Variants in XYLT1 observed in about 807,000 individuals in gnomAD.
The protein encoded by XYLT1 is beta-D-xylosyltransferase 1.
In XYLT1, 36 loss-of-function variants were observed where a neutral mutation model predicts 91.3. The observed-to-expected ratio is 0.39, with a 90% confidence interval of 0.30 to 0.52. The LOEUF is 0.52. Ranked by LOEUF, XYLT1 falls within the 20% of genes least tolerant of loss-of-function variation. The pLI, the probability that XYLT1 is intolerant of heterozygous loss-of-function variation, is 0.68. For missense variants in XYLT1, 1,242 were observed against 1,284.5 expected (o/e 0.97, Z 0.51); for synonymous variants, 588 against 532.0 (o/e 1.11, Z -1.45).
intron 2 of XYLT1, among the ~76,000 whole-genome samples, chr16:17,273,695 T>C (rs1354246743): frequency 6.6e-6 from 1 of 151,742 alleles, no homozygotes; most frequent in Non-Finnish European, 1.5e-5. Flanking sequence ...AATATCAAAA[T>C]TAGCCAGTTG....
chr16:17,183,662 C>T (rs985585773), intron 5 of XYLT1, among the ~76,000 whole-genome samples: 10 of 152,120 alleles, frequency 6.6e-5, no homozygotes, highest in African/African-American at 1.9e-4. Flanking sequence ...GGCCTAGAAT[C>T]CTATGCACAG....
chr16:17,421,979 G>A (rs771560274), intron 1 of XYLT1, among the ~76,000 whole-genome samples: 4 of 151,866 alleles, frequency 2.6e-5, no homozygotes, highest in African/African-American at 9.7e-5. Context: ...TTAGGTCTAC[G>A]TGTCTGGCTA....
chr16:17,195,333 G>A (rs547860649), intron 5 of XYLT1, among the ~76,000 whole-genome samples: 1 of 152,222 alleles, frequency 6.6e-6, no homozygotes, highest in African/African-American at 2.4e-5. Flanking sequence ...ATCCCTTCTT[G>A]TCTTCTAGGT....
chr16:17,287,800 G>A (rs1028873271), intron 2 of XYLT1, among the ~76,000 whole-genome samples: 10 of 152,166 alleles, frequency 6.6e-5, no homozygotes, highest in African/African-American at 2.2e-4. Flanking sequence ...ATCTAAAGAA[G>A]GGGTGGAGGA....
chr16:17,261,309 A>C lies in XYLT1; in HGVS notation c.403-1811T>G, dbSNP rs77382256. On this transcript the variant is annotated intron_variant, in intron 2 of 11. Transcript: ENST00000261381. ...TCCATTGCTCCTAGCAGTAAGCACGAATTTCTCCTATTTGTTGGAGGCTCT... is the reference window on the plus strand; with the variant it reads ...TCCATTGCTCCTAGCAGTAAGCACGCATTTCTCCTATTTGTTGGAGGCTCT... Among the ~76,000 whole-genome samples the C allele has an allele frequency of 6.2e-3, 939 of 151,958 alleles. 10 individuals carry two copies. The highest frequency in any genetic ancestry group is 0.021 in the African/African-American group (868 of 41,410).
chr16:17,444,688 G>C (rs2036572348), intron 1 of XYLT1, among the ~76,000 whole-genome samples: 2 of 152,108 alleles, frequency 1.3e-5, no homozygotes, highest in East Asian at 3.9e-4. Context: ...GCTGCACATA[G>C]TAGATGCTCA....
intron 2 of XYLT1, among the ~76,000 whole-genome samples, chr16:17,342,453 G>A (rs978200694): frequency 6.6e-6 from 1 of 152,054 alleles, no homozygotes; most frequent in Non-Finnish European, 1.5e-5. Flanking sequence ...TGGGCGTGGC[G>A]GCTCATGCCT....
intron 1 of XYLT1, among the ~76,000 whole-genome samples, chr16:17,445,365 G>A (rs2036579020): frequency 6.6e-6 from 1 of 152,230 alleles, no homozygotes; most frequent in Admixed American, 6.5e-5. Flanking sequence ...ATATTTGTCA[G>A]ATGAATGGCA....
intron 2 of XYLT1, among the ~76,000 whole-genome samples, chr16:17,327,455 C>G (rs955116411): frequency 6.6e-6 from 1 of 150,376 alleles, no homozygotes; most frequent in African/African-American, 2.5e-5. Flanking sequence ...CTCCGCCCCC[C>G]GGGTTCACGC....
chr16:17,231,371 G>T (rs1303513759), intron 3 of XYLT1, among the ~76,000 whole-genome samples: 1 of 152,156 alleles, frequency 6.6e-6, no homozygotes, highest in Non-Finnish European at 1.5e-5. Context: ...AGGCAGTGGG[G>T]GGCAGTGGGG....
intron 3 of XYLT1, among the ~76,000 whole-genome samples, chr16:17,205,671 G>C (rs923102029): frequency 2.0e-5 from 3 of 152,140 alleles, no homozygotes; most frequent in African/African-American, 4.8e-5. Flanking sequence ...CAGCTCCAGA[G>C]TTCTACCTCA....
Position 17,134,653 on chromosome 16 carries a change from A to T in XYLT1, c.1847T>A (p.Leu616Gln). ...GGTACCTGCAGGGTAGTTCCCGTAC[A>T]GGTAATAGTCCAGCTGCCCAATGAT... ...QEIIGQLDYY[L>Q]YGNYPAGTPG... The change falls in exon 9 of 12, where the codon CTG becomes CAG. Residue 616 changes from leucine (L) to glutamine (Q), a missense_variant. By Grantham distance (113) the Leu-to-Gln change is moderately radical. Coordinates refer to ENST00000261381, the MANE Select transcript of XYLT1 (RefSeq NM_022166.4). 1 of 1,614,216 alleles carries T rather than the reference A, an allele frequency of 6.2e-7. No homozygotes were observed. Among genetic ancestry groups the T allele is most frequent in the Non-Finnish European group, 8.5e-7 (1 of 1,180,038 alleles).
At chr16:17,395,297 G>A (rs2035870354) in intron 1 of XYLT1, among the ~76,000 whole-genome samples, 1 of 152,080 alleles carries the variant, frequency 6.6e-6, no homozygotes, top group East Asian at 1.9e-4. Context: ...TTCGAGATGA[G>A]AGCTGGATGG....
At chr16:17,340,985 C>T (rs956281632) in intron 2 of XYLT1, among the ~76,000 whole-genome samples, 2 of 152,090 alleles carry the variant, frequency 1.3e-5, no homozygotes, top group African/African-American at 2.4e-5. Flanking sequence ...ATTGGTTTGT[C>T]GAAGATTATA....
chr16:17,273,866 G>A (rs2033932601), intron 2 of XYLT1, among the ~76,000 whole-genome samples: 1 of 149,054 alleles, frequency 6.7e-6, no homozygotes, highest in South Asian at 2.1e-4. Flanking sequence ...AAAAAATTGA[G>A]AAGTGCTAAT....
chr16:17,321,909 GTGAACT>G (rs1282290125), intron 2 of XYLT1, among the ~76,000 whole-genome samples: 2 of 152,128 alleles, frequency 1.3e-5, no homozygotes, highest in African/African-American at 4.8e-5. Flanking sequence ...TATCTTTTCT[GTGAACT>G]TGGGGAGGAC....
At chr16:17,232,467 T>C (rs1004380331) in intron 3 of XYLT1, among the ~76,000 whole-genome samples, 2 of 116,666 alleles carry the variant, frequency 1.7e-5, no homozygotes, top group Admixed American at 9.5e-5. Flanking sequence ...ATATATATAT[T>C]GCCCATGTCA....
At chr16:17,219,127 C>G (rs893207728) in intron 3 of XYLT1, among the ~76,000 whole-genome samples, 1 of 151,714 alleles carries the variant, frequency 6.6e-6, no homozygotes, top group Non-Finnish European at 1.5e-5. Context: ...ACTAAAAATA[C>G]AAAAATTAGC....
In XYLT1 at chr16:17,259,394, T is replaced by A. The variant is rs2033687750; in HGVS notation, c.507A>T (p.Ala169=). ...DFENVDNSNF[A]PRTQKQKHQP... Reference sequence around the variant, plus strand: ...GGTGCTTCTGCTTTTGAGTCCTGGGTGCGAAGTTGCTGTTGTCGACATTCT... The same window carrying A: ...GGTGCTTCTGCTTTTGAGTCCTGGGAGCGAAGTTGCTGTTGTCGACATTCT... The change falls in exon 3 of 12, where the codon GCA becomes GCT. Residue 169 remains alanine, a synonymous_variant. Coordinates refer to ENST00000261381, the MANE Select transcript of XYLT1 (RefSeq NM_022166.4). 1.2e-6 allele frequency: 2 copies of A among 1,614,196 alleles called. No individual in the cohort carries two copies. The highest frequency in any genetic ancestry group is 1.6e-4 in the Middle Eastern group (1 of 6,062).
Sources: gnomAD v4.1 joint callset for allele counts (sites outside exome capture counted in the v4.1 genomes callset) on GRCh38, gnomAD v4.1.1 for gene constraint, MANE v1.5 for transcripts, NCBI Gene and HGNC (gene_info 2026-07-23, HGNC 2026-07-21) for gene names.